DNAH3: variants seen among roughly 807,000 people sequenced by gnomAD.
DNAH3 encodes axonemal beta dynein heavy chain 3.
In DNAH3, 332 loss-of-function variants were observed where a neutral mutation model predicts 432.5. The observed-to-expected ratio is 0.77, with a 90% CI of 0.70 to 0.84. The LOEUF (loss-of-function observed/expected upper bound fraction) is 0.84. DNAH3 is among the 40% of genes least tolerant of loss of function. The pLI is 0.00. For missense variants in DNAH3, 4,861 were observed against 5,114.0 expected (o/e 0.95, Z 1.51); for synonymous variants, 1,956 against 1,900.2 (o/e 1.03, Z -0.76).
intron 16 of DNAH3, among the ~76,000 whole-genome samples, chr16:21,099,938 TCAAA>T (rs2091792564): frequency 6.6e-6 from 1 of 152,198 alleles, no homozygotes; most frequent in African/African-American, 2.4e-5. Flanking sequence ...TCAATACTCT[TCAAA>T]CAAATAAGGG....
chr16:21,038,030 GC>G, intron 33 of DNAH3, 50 bp from the exon 34 acceptor site: 2 of 1,528,292 alleles, frequency 1.3e-6, no homozygotes, highest in Non-Finnish European at 1.8e-6. Context: ...ACTACGTCCT[GC>G]CCAGCAGACA....
exon 22 of DNAH3, chr16:21,070,764 C>CACG: frequency 1.2e-6 from 2 of 1,613,708 alleles, no homozygotes; most frequent in Non-Finnish European, 1.7e-6. Context: ...TGGTCTGGGT[C>CACG]TTTATCACGT....
intron 14 of DNAH3, among the ~76,000 whole-genome samples, chr16:21,110,855 C>T (rs2092054558): frequency 6.6e-6 from 1 of 151,724 alleles, no homozygotes; most frequent in Admixed American, 6.6e-5. Context: ...GCCTAGGGGA[C>T]AGAACAAGAC....
exon 37 of DNAH3, chr16:21,031,276 C>T: frequency 2.5e-6 from 4 of 1,614,144 alleles, no homozygotes; most frequent in African/African-American, 1.3e-5. Context: ...CAAACTCCTC[C>T]ATCTGATTGG....
chr16:20,978,521 C>T (rs1267057554), intron 50 of DNAH3, among the ~76,000 whole-genome samples: 12 of 151,966 alleles, frequency 7.9e-5, no homozygotes, highest in Non-Finnish European at 1.5e-5. Flanking sequence ...AGAGAGATTG[C>T]GTCTCGAAAG....
rs75545665 is a variant in DNAH3 at position 21,151,756 on chromosome 16, A to T, written c.118-5668T>A. ...CAGAAATACATGTGCACATACTCAA[A>T]AGTAACAATATTAGCTGCCGCCCGA... On this transcript the variant is annotated intron_variant, in intron 1 of 61. Coordinates refer to ENST00000261383, the Ensembl canonical transcript of DNAH3. 1.6e-3 allele frequency among the ~76,000 whole-genome samples: 246 copies of T among 152,226 alleles called. 6 individuals are homozygous for T. The East Asian group carries it at 0.033, about 21-fold the overall frequency.
At chr16:21,038,067 G>A (rs1024386064) in intron 33 of DNAH3, 87 bp from the exon 34 acceptor site, 22 of 1,177,000 alleles carry the variant, frequency 1.9e-5, no homozygotes, top group Admixed American at 7.9e-5. Flanking sequence ...TCCTTGCCCC[G>A]TCAGCAACCA....
At chr16:21,041,075 A>C (rs2089420289) in intron 32 of DNAH3, among the ~76,000 whole-genome samples, 1 of 152,114 alleles carries the variant, frequency 6.6e-6, no homozygotes, top group Non-Finnish European at 1.5e-5. Context: ...TGGGCAGTAA[A>C]AAATGAGAAA....
At position 20,979,742 on chromosome 16, in the gene DNAH3, C is replaced by A. The variant is rs112410715; in HGVS notation, c.7860-196G>T. On this transcript the variant is annotated intron_variant, in intron 49 of 61. Transcript: ENST00000261383. Reference sequence around the variant, plus strand: ...GCAGGTACATAGGTGCATACTCTCACACAAATGATTTTATATTTATTTATT... The same window carrying A: ...GCAGGTACATAGGTGCATACTCTCAAACAAATGATTTTATATTTATTTATT... 1.2e-4 allele frequency among the ~76,000 whole-genome samples: 18 copies of A among 152,132 alleles called. 1 individual carries two copies. The highest frequency in any genetic ancestry group is 4.3e-4 in the African/African-American group (18 of 41,508).
intron 41 of DNAH3, among the ~76,000 whole-genome samples, chr16:21,013,353 C>A (rs1213749556): frequency 1.3e-5 from 2 of 151,386 alleles, no homozygotes; most frequent in East Asian, 1.9e-4. Flanking sequence ...CCGGGCAGAT[C>A]CCATCTGTTA....
chr16:21,103,701 G>C lies in DNAH3; in HGVS notation c.2366+770C>G, dbSNP rs73544600. ...CTTTTATCTATTCTTGTCCTTTCTT[G>C]TAAGTATTTGCAGGAACTATGGCAG... On this transcript the variant is annotated intron_variant, in intron 16 of 61. Coordinates refer to ENST00000261383, the Ensembl canonical transcript of DNAH3. Among the ~76,000 whole-genome samples, 121 of 152,236 alleles carry C rather than the reference G, an allele frequency of 7.9e-4. 1 individual carries two copies. The highest frequency in any genetic ancestry group is 2.2e-3 in the African/African-American group (92 of 41,528).
chr16:21,004,364 CTTTTTCT>C (rs1030807426), intron 41 of DNAH3, among the ~76,000 whole-genome samples: 1 of 151,812 alleles, frequency 6.6e-6, no homozygotes, highest in African/African-American at 2.4e-5. Context: ...TCCTTTCTTT[CTTTTTCT>C]TTTTTCTTTT....
intron 1 of DNAH3, among the ~76,000 whole-genome samples, chr16:21,156,666 T>G (rs2092899459): frequency 6.6e-6 from 1 of 152,038 alleles, no homozygotes; most frequent in Admixed American, 6.6e-5. Context: ...TTGCAGCAAG[T>G]AATTGGGAAA....
intron 27 of DNAH3, among the ~76,000 whole-genome samples, chr16:21,057,076 G>A (rs1033845843): frequency 2.0e-5 from 3 of 152,108 alleles, no homozygotes; most frequent in Non-Finnish European, 2.9e-5. Context: ...TATTCATGGA[G>A]AATCAAACCA....
intron 43 of DNAH3, among the ~76,000 whole-genome samples, chr16:20,998,406 C>CG: frequency 6.6e-6 from 1 of 151,964 alleles, no homozygotes; most frequent in African/African-American, 2.4e-5. Context: ...GTGTGCACCA[C>CG]CACGCCCAGC....
At chr16:20,982,105 C>G (rs775833397) in intron 49 of DNAH3, among the ~76,000 whole-genome samples, 4 of 151,168 alleles carry the variant, frequency 2.6e-5, no homozygotes, top group Non-Finnish European at 5.9e-5. Flanking sequence ...TAATTTTTGC[C>G]AGGTGCAGTA....
Position 21,048,031 on chromosome 16 carries a change from G to A in DNAH3, c.4461+1538C>T, listed in dbSNP as rs542817531. Among the ~76,000 whole-genome samples, 17 of 152,290 alleles carry A rather than the reference G, an allele frequency of 1.1e-4. No individual in the cohort carries two copies. The South Asian group carries it at 3.1e-3, about 28-fold the overall frequency. On this transcript the variant is annotated intron_variant, in intron 31 of 61. Transcript: ENST00000261383. ...ACCCACTTGAGGAAGCAGTCTGCCC[G>A]TTCTCAGATCTCCAGCTGCTTGCTG...
intron 61 of DNAH3, 51 bp downstream of exon 61, chr16:20,935,297 T>C: frequency 6.2e-7 from 1 of 1,601,518 alleles, no homozygotes; most frequent in Admixed American, 1.8e-5. Context: ...ATTGGCAACA[T>C]TGCTTTCTCT....
chr16:21,144,360 G>A (rs2092756184), intron 3 of DNAH3, among the ~76,000 whole-genome samples: 1 of 152,134 alleles, frequency 6.6e-6, no homozygotes, highest in Non-Finnish European at 1.5e-5. Context: ...CGCTCTAAGG[G>A]AAGCCAGAAG....
Sources: allele counts gnomAD v4.1 joint callset (sites outside exome capture counted in the v4.1 genomes callset), GRCh38; gene constraint gnomAD v4.1.1; transcripts MANE v1.5; gene names NCBI Gene and HGNC (gene_info 2026-07-23, HGNC 2026-07-21).